Variants in SRFBP1 observed in about 807,000 individuals in gnomAD.
The protein encoded by SRFBP1 is serum response factor binding protein 1, also known as serum response factor-binding protein 1.
A neutral mutation model predicts 45.5 loss-of-function variants in SRFBP1; 47 were observed. That is an observed-to-expected ratio of 1.03 (90% CI 0.82 to 1.32). The LOEUF (loss-of-function observed/expected upper bound fraction) is 1.32. Among genes scored for constraint, SRFBP1 ranks in the 40% most tolerant of loss-of-function variants. The probability of loss-of-function intolerance (pLI) is 0.00; values close to 1 mark genes in which losing one functional copy is unlikely to be tolerated. For missense variants in SRFBP1, 621 were observed against 484.6 expected, an observed-to-expected ratio of 1.28 and a Z score of -2.64; for synonymous variants, 203 against 166.3, an observed-to-expected ratio of 1.22 and a Z score of -1.70.
At chr5:122,078,494 G>C (rs1754708243), downstream of SRFBP1, 1 of 152,792 alleles carries the variant, frequency 6.5e-6, no homozygotes, top group South Asian at 2.1e-4. Flanking sequence ...CACATCCTGA[G>C]ACACACTGGC....
downstream of SRFBP1, chr5:122,077,099 C>G (rs1754660690): frequency 2.6e-6 from 4 of 1,528,616 alleles, no homozygotes; most frequent in Non-Finnish European, 3.5e-6. This position sits in a 1 kb window ranked among gnomAD's most constrained non-coding sequence, Gnocchi z 4.9. Flanking sequence ...CACCCTTCGC[C>G]CACCGGGACT....
At chr5:122,015,680 C>T (rs1226747704) in intron 4 of SRFBP1, among the ~76,000 whole-genome samples, 1 of 152,210 alleles carries the variant, frequency 6.6e-6, no homozygotes, top group Admixed American at 6.5e-5. Flanking sequence ...GCCAGTTTGC[C>T]AATTCCTGGT....
chr5:122,012,041 C>G (rs17351449), intron 4 of SRFBP1, among the ~76,000 whole-genome samples: 6,246 of 152,162 alleles, frequency 0.041, 144 homozygotes, highest in African/African-American at 0.049. Context: ...TGAAAGTTAT[C>G]TCAGAGTTGA....
At chr5:122,040,288 A>C (rs868640605) in intron 2 of SRFBP1, among the ~76,000 whole-genome samples, 5 of 152,160 alleles carry the variant, frequency 3.3e-5, no homozygotes, top group East Asian at 1.9e-4. Context: ...TGTAGAACAA[A>C]TTATATGTAC....
At position 122,020,515 on chromosome 5, in the gene SRFBP1, T is replaced by C. The variant is rs1278720226; in HGVS notation, c.780T>C (p.Tyr260=). The C allele has an allele frequency of 1.2e-6, 2 of 1,614,130 alleles. No individual in the cohort carries two copies. Among genetic ancestry groups the C allele is most frequent in the South Asian group, 2.2e-5 (2 of 91,088 alleles). ...GEEFCEEEKE[Y]FDDSTEERFY... ...AATTTTGTGAAGAGGAGAAGGAATATTTTGATGATAGCACAGAAGAAAGGT... is the reference window on the plus strand; with the variant it reads ...AATTTTGTGAAGAGGAGAAGGAATACTTTGATGATAGCACAGAAGAAAGGT... Residue 260 remains tyrosine, a synonymous_variant, in exon 6 of 8, where the codon TAT becomes TAC. Transcript: ENST00000339397.
intron 3 of SRFBP1, among the ~76,000 whole-genome samples, chr5:121,990,837 C>T (rs775582428): frequency 2.0e-5 from 3 of 152,200 alleles, no homozygotes; most frequent in Non-Finnish European, 4.4e-5. Flanking sequence ...TGCCTGACCA[C>T]GTTCTCACTT....
Position 122,027,220 on chromosome 5 carries a change from T to C in SRFBP1, c.*94T>C. On this transcript the variant is annotated 3_prime_UTR_variant, in exon 8 of 8. Transcript: ENST00000339397. ...CTGTTGCCCAGACTAGAGTACAATA[T>C]TGCAATCACAGCTCACTGCAGCCTC... 9.8e-7 allele frequency: 1 copy of C among 1,017,782 alleles called. No homozygotes were observed. Among genetic ancestry groups the C allele is most frequent in the Non-Finnish European group, 1.4e-6 (1 of 707,748 alleles). 63.0% of individuals were successfully genotyped at this position (1,017,782 alleles called of 1,614,324 possible).
chr5:122,032,641 G>T (rs1267731731), downstream of SRFBP1, among the ~76,000 whole-genome samples: 1 of 151,962 alleles, frequency 6.6e-6, no homozygotes, highest in Non-Finnish European at 1.5e-5. Flanking sequence ...TACTCCACTG[G>T]GTAAATGTAT....
chr5:122,064,986 TC>T, intron 2 of SRFBP1: 1 of 152,112 alleles, frequency 6.6e-6, no homozygotes, highest in South Asian at 2.1e-4. Flanking sequence ...TTAAAATATC[TC>T]TGTTAGAAAA....
intron 2 of SRFBP1, among the ~76,000 whole-genome samples, chr5:122,034,773 T>TA (rs946995434): frequency 9.4e-4 from 137 of 145,822 alleles, no homozygotes; most frequent in South Asian, 1.9e-3. Flanking sequence ...GCAGATTTCT[T>TA]AAAAAAAAAA....
At chr5:121,986,918 T>C (rs1752530284) in intron 3 of SRFBP1, among the ~76,000 whole-genome samples, 1 of 152,160 alleles carries the variant, frequency 6.6e-6, no homozygotes. Context: ...CAGGTGATTC[T>C]ATGTAGAACT....
chr5:121,998,722 A>G (rs557410034), intron 4 of SRFBP1, among the ~76,000 whole-genome samples: 10 of 151,940 alleles, frequency 6.6e-5, no homozygotes, highest in Non-Finnish European at 1.0e-4. Flanking sequence ...TGAATATCTC[A>G]TTTAATCTGT....
chr5:121,976,105 A>G (rs1357735255), intron 3 of SRFBP1, among the ~76,000 whole-genome samples: 1 of 151,836 alleles, frequency 6.6e-6, no homozygotes, highest in Non-Finnish European at 1.5e-5. Flanking sequence ...TCAAGTTTTG[A>G]ATTAAGTAAA....
chr5:122,078,029 C>G (rs1754695321), downstream of SRFBP1: 1 of 1,425,438 alleles, frequency 7.0e-7, no homozygotes, highest in South Asian at 1.7e-5. Flanking sequence ...GGACGTGGCT[C>G]ACAGAAAATA....
intron 2 of SRFBP1, among the ~76,000 whole-genome samples, chr5:122,050,946 T>A (rs1355536185): frequency 1.3e-5 from 2 of 152,184 alleles, no homozygotes; most frequent in African/African-American, 4.8e-5. Flanking sequence ...TTCTAGTATG[T>A]TGTATCTTCG....
intron 3 of SRFBP1, among the ~76,000 whole-genome samples, chr5:121,984,818 C>G (rs888188885): frequency 2.6e-5 from 4 of 151,764 alleles, no homozygotes; most frequent in Non-Finnish European, 5.9e-5. Context: ...TCAGCTATAC[C>G]ACACAATCCA....
Position 122,066,713 on chromosome 5 carries a change from A to T in SRFBP1, n.312-8602A>T, listed in dbSNP as rs763258297. ...TCCCACTTCAGAACACCAGGCACTG[A>T]TTTATCCATTGGGAGTTTTGCTTTG... On this transcript the variant is annotated intron_variant and non_coding_transcript_variant, in intron 2 of 2. Coordinates refer to the SRFBP1 transcript ENST00000504881. 3 of 1,592,456 alleles carry T rather than the reference A, an allele frequency of 1.9e-6. No individual in the cohort carries two copies. The African/African-American group carries it at 4.0e-5, about 21-fold the overall frequency.
chr5:121,962,066 G>A lies in SRFBP1; in HGVS notation c.34G>A (p.Glu12Lys), dbSNP rs759082557. The change falls in exon 1 of 8, where the codon GAG becomes AAG. Residue 12 changes from glutamate to lysine, a missense_variant and splice_region_variant. Physicochemically the swap from Glu to Lys is moderately conservative, Grantham distance 56 (BLOSUM62 1). Coordinates refer to ENST00000339397, the MANE Select transcript of SRFBP1 (RefSeq NM_152546.3). ...GCCGGGAACTCTGAACCTCAATAAC[G>A]AGGTGAGCGCCGAGGAACCTATGGG... ...AQPGTLNLNN[E>K]VVKMRKEVKR... is the part of the protein sequence containing the mutation. 1 of 1,614,044 alleles carries A rather than the reference G, an allele frequency of 6.2e-7. No individual in the cohort carries two copies. The highest frequency in any genetic ancestry group is 8.5e-7 in the Non-Finnish European group (1 of 1,180,034).
At chr5:122,035,471 C>T (rs1337169468) in intron 2 of SRFBP1, among the ~76,000 whole-genome samples, 3 of 152,212 alleles carry the variant, frequency 2.0e-5, no homozygotes, top group Non-Finnish European at 2.9e-5. Flanking sequence ...CTTCTGTGCT[C>T]TGTCACAAGT....
Sources: gnomAD v4.1 joint callset for allele counts (sites outside exome capture counted in the v4.1 genomes callset) on GRCh38, gnomAD v4.1.1 for gene constraint, Gnocchi (gnomAD v3.1) non-coding constraint, MANE v1.5 for transcripts, NCBI Gene and HGNC (gene_info 2026-07-23, HGNC 2026-07-21) for gene names.